ELAPOR2: variants seen among roughly 807,000 people sequenced by gnomAD.
ELAPOR2 encodes the protein endosome/lysosome-associated apoptosis and autophagy regulator family member 2.
A neutral mutation model predicts 120.7 loss-of-function variants in ELAPOR2; 89 were observed. That is an observed-to-expected ratio of 0.74 (90% CI 0.62 to 0.88). ELAPOR2 has a LOEUF of 0.88. ELAPOR2 is among the 40% of genes least tolerant of loss of function. ELAPOR2 has a pLI of 0.00. For synonymous variants in ELAPOR2, 444 were observed against 444.9 expected (o/e 1.00, Z 0.03); for missense variants, 1,134 against 1,251.6 (o/e 0.91, Z 1.42).
At chr7:87,020,697 T>C (rs769621501) in intron 1 of ELAPOR2, among the ~76,000 whole-genome samples, 2 of 152,110 alleles carry the variant, frequency 1.3e-5, no homozygotes, top group Non-Finnish European at 2.9e-5. Flanking sequence ...GCACACTTTA[T>C]ACATATCCTA....
At chr7:87,009,125 T>G (rs1286316417) in intron 1 of ELAPOR2, among the ~76,000 whole-genome samples, 1 of 152,126 alleles carries the variant, frequency 6.6e-6, no homozygotes, top group Non-Finnish European at 1.5e-5. Context: ...AAACCACCTA[T>G]GAGACATGGT....
At chr7:87,040,749 C>G (rs974847875) in intron 1 of ELAPOR2, among the ~76,000 whole-genome samples, 5 of 152,362 alleles carry the variant, frequency 3.3e-5, no homozygotes, top group Admixed American at 2.6e-4. Flanking sequence ...AGCAACGGAA[C>G]AAAGCTGGAT....
At chr7:86,965,901 G>A (rs975886455) in intron 1 of ELAPOR2, 13 of 985,192 alleles carry the variant, frequency 1.3e-5, no homozygotes, top group Non-Finnish European at 1.6e-5. Context: ...AGTGAGAATA[G>A]AAACATCAAG....
At chr7:86,980,116 C>G (rs1248863540) in intron 1 of ELAPOR2, among the ~76,000 whole-genome samples, 1 of 152,128 alleles carries the variant, frequency 6.6e-6, no homozygotes, top group African/African-American at 2.4e-5. Flanking sequence ...ATACTATTGT[C>G]GGTTGGAAAA....
intron 8 of ELAPOR2, 103 bp downstream of exon 8, chr7:86,938,019 TTACA>T: frequency 1.2e-6 from 1 of 809,030 alleles, no homozygotes; most frequent in Non-Finnish European, 2.0e-6. Flanking sequence ...CTCTTTACAC[TTACA>T]TACGTGTGTC....
intron 2 of ELAPOR2, among the ~76,000 whole-genome samples, chr7:86,957,680 C>A (rs1342949324): frequency 6.6e-6 from 1 of 152,132 alleles, no homozygotes; most frequent in Non-Finnish European, 1.5e-5. Flanking sequence ...ACTCTCTCAT[C>A]TTTTTGAAAA....
chr7:86,908,489 G>A lies in ELAPOR2; in HGVS notation c.2414C>T (p.Pro805Leu), dbSNP rs1157257067. 1 of 1,587,118 alleles carries A rather than the reference G, an allele frequency of 6.3e-7. No individual in the cohort carries two copies. Among genetic ancestry groups the A allele is most frequent in the Admixed American group, 1.8e-5 (1 of 56,696 alleles). Reference protein sequence around the residue: ...KNINIKEDMFPVPTSQIPDVH... With the variant: ...KNINIKEDMFLVPTSQIPDVH... ...ATCTGGTATTTGGCTTGTTGGAACT[G>A]GGAACATATCTTCTTTTATATTAAT... is the stretch of plus-strand genomic sequence containing the variant. The change falls in exon 17 of 22, where the codon CCA becomes CTA. Residue 805 changes from proline (P) to leucine (L), a missense_variant. By Grantham distance (98) the Pro-to-Leu change is moderately conservative. Transcript: ENST00000450689.
chr7:86,993,175 G>T (rs1793003508), intron 1 of ELAPOR2, among the ~76,000 whole-genome samples: 1 of 141,998 alleles, frequency 7.0e-6, no homozygotes, highest in South Asian at 2.2e-4. Context: ...GGCGAAGGTT[G>T]CAGTGAGCCA....
Position 86,880,246 on chromosome 7 carries a change from C to T in ELAPOR2, c.*225G>A. ...ATAAATCTCTTCCTGAGTTGAGCTT[C>T]ATCTTCAGTTGAGACCCAAATCATT... On this transcript the variant is annotated 3_prime_UTR_variant, in exon 22 of 22. Transcript: ENST00000450689. 1.8e-6 allele frequency: 1 copy of T among 560,874 alleles called. No individual in the cohort carries two copies. Among genetic ancestry groups the T allele is most frequent in the Non-Finnish European group, 3.1e-6 (1 of 317,856 alleles). The allele number at this position is 560,874 out of a possible 1,614,324, so 34.7% of individuals were successfully genotyped here. A position where few individuals can be genotyped will look rare whatever the true frequency, so the allele number is the denominator to read the frequency against.
intron 1 of ELAPOR2, among the ~76,000 whole-genome samples, chr7:86,983,204 C>T (rs763540662): frequency 1.2e-4 from 18 of 152,194 alleles, no homozygotes; most frequent in Non-Finnish European, 1.6e-4. Flanking sequence ...ACCAAATCTA[C>T]ATTTGATTGG....
chr7:87,029,216 C>A (rs1258468011), intron 1 of ELAPOR2, among the ~76,000 whole-genome samples: 1 of 152,006 alleles, frequency 6.6e-6, no homozygotes, highest in Non-Finnish European at 1.5e-5. Flanking sequence ...GGTAACTAGG[C>A]CAGGGGTAAA....
chr7:87,002,661 G>A (rs1027740454), intron 1 of ELAPOR2, among the ~76,000 whole-genome samples: 1 of 152,016 alleles, frequency 6.6e-6, no homozygotes, highest in Non-Finnish European at 1.5e-5. Context: ...TTCATTGGGG[G>A]TAGAGTTCCC....
intron 1 of ELAPOR2, among the ~76,000 whole-genome samples, chr7:86,972,823 A>G (rs1190468291): frequency 1.3e-5 from 2 of 152,018 alleles, no homozygotes; most frequent in African/African-American, 4.8e-5. Flanking sequence ...ACTCTTTCCC[A>G]CATCATTTCA....
chr7:86,978,025 C>T (rs1376821626), intron 1 of ELAPOR2, among the ~76,000 whole-genome samples: 1 of 152,008 alleles, frequency 6.6e-6, no homozygotes, highest in African/African-American at 2.4e-5. Context: ...GCTCTGTGTC[C>T]CCACTCAAAT....
rs992097607 is a variant in ELAPOR2 at position 87,025,870 on chromosome 7, T to C, written c.189+33455A>G. ...GAGCTAATTAATTCAATGAAAAAAA[T>C]TGTCAATTAGAAATGTTTATCAAAT... On this transcript the variant is annotated intron_variant, in intron 1 of 21. Transcript: ENST00000450689. 5.3e-5 allele frequency among the ~76,000 whole-genome samples: 8 copies of C among 151,938 alleles called. No individual in the cohort carries two copies. In the South Asian group the frequency reaches 8.3e-4, roughly 16 times the overall value.
At chr7:87,026,460 AAAAG>A (rs1562973952) in intron 1 of ELAPOR2, among the ~76,000 whole-genome samples, 3 of 151,788 alleles carry the variant, frequency 2.0e-5, no homozygotes, top group Admixed American at 2.0e-4. Context: ...ATTAAAAAAA[AAAAG>A]ACTCTCTCAA....
In ELAPOR2 at chr7:87,043,134, A is replaced by C. The variant is rs1264190711; in HGVS notation, c.189+16191T>G. On this transcript the variant is annotated intron_variant, in intron 1 of 21. Coordinates refer to ENST00000450689, the MANE Select transcript of ELAPOR2 (RefSeq NM_001142749.3). ...GCAATAATCAATAGCTTACCAACGA[A>C]AAAGAGTCCAGGACCAGATGGATTC... Among the ~76,000 whole-genome samples the C allele has an allele frequency of 2.0e-5, 3 of 151,894 alleles. No individual in the cohort carries two copies. The East Asian group carries it at 5.8e-4, about 29-fold the overall frequency.
intron 7 of ELAPOR2, 123 bp from the exon 8 acceptor site, chr7:86,938,337 T>G (rs1790651990): frequency 3.0e-6 from 2 of 657,368 alleles, no homozygotes; most frequent in African/African-American, 3.7e-5. Flanking sequence ...GCAATTTAGG[T>G]AGAACTACCT....
intron 1 of ELAPOR2, among the ~76,000 whole-genome samples, chr7:87,026,986 T>C (rs995260488): frequency 6.6e-6 from 1 of 152,128 alleles, no homozygotes; most frequent in African/African-American, 2.4e-5. Flanking sequence ...ATTTCTATAA[T>C]ATTTTTCTTG....
Sources: gnomAD v4.1 joint callset for allele counts (sites outside exome capture counted in the v4.1 genomes callset) on GRCh38, gnomAD v4.1.1 for gene constraint, MANE v1.5 for transcripts, NCBI Gene and HGNC (gene_info 2026-07-23, HGNC 2026-07-21) for gene names.